FBP2: variants seen among roughly 807,000 people sequenced by gnomAD.
FBP2 encodes the protein fructose-1,6-bisphosphatase isozyme 2.
In FBP2, 27 loss-of-function variants were observed where a neutral mutation model predicts 31.6. The ratio of observed to expected loss-of-function variants is 0.85; its 90% CI spans 0.63 to 1.18. The LOEUF (loss-of-function observed/expected upper bound fraction) is 1.18, where lower values mean the gene tolerates loss of function less well. Ranked by LOEUF, FBP2 falls within the 50% of genes most tolerant of loss-of-function variation. FBP2 has a pLI of 0.00. For synonymous variants in FBP2, 168 were observed against 179.8 expected, an observed-to-expected ratio of 0.93 and a Z score of 0.53; for missense variants, 421 against 436.1, an observed-to-expected ratio of 0.97 and a Z score of 0.31.
chr9:94,561,519 C>G (rs575592133), intron 6 of FBP2, among the ~76,000 whole-genome samples: 1 of 152,034 alleles, frequency 6.6e-6, no homozygotes, highest in Non-Finnish European at 1.5e-5. Flanking sequence ...CATGCCACCA[C>G]GCCTGGCTAA....
Position 94,587,304 on chromosome 9 carries a change from C to T in FBP2, c.333+3G>A, listed in dbSNP as rs1827438093. The stretch of plus-strand genomic sequence containing the variant: ...GAGCGGGCACCGCAGCCCCATGACG[C>T]ACCCGCTTCTCCTTGGCGGTGATGA... On this transcript the variant is annotated splice_donor_region_variant and intron_variant, in intron 2 of 6. Transcript: ENST00000375337. The T allele has an allele frequency of 1.2e-6, 2 of 1,608,194 alleles. No individual in the cohort carries two copies. The highest frequency in any genetic ancestry group is 3.8e-4 in the Middle Eastern group (2 of 5,314).
rs1242929226 is a variant in FBP2 at position 94,574,431 on chromosome 9, G to T, written c.427-2829C>A. On this transcript the variant is annotated intron_variant, in intron 3 of 6. Coordinates refer to ENST00000375337, the MANE Select transcript of FBP2 (RefSeq NM_003837.4). ...ATGAGTCAGGTAAAACCTTTTATATGTTTATTTTGACCATTTTTATTTTGT... is the reference window on the plus strand; with the variant it reads ...ATGAGTCAGGTAAAACCTTTTATATTTTTATTTTGACCATTTTTATTTTGT... Among the ~76,000 whole-genome samples, 3 of 151,912 alleles carry T rather than the reference G, an allele frequency of 2.0e-5. No homozygotes were observed. The East Asian group carries it at 5.8e-4, about 29-fold the overall frequency.
chr9:94,580,410 T>G (rs1827363044), intron 3 of FBP2, among the ~76,000 whole-genome samples: 1 of 152,138 alleles, frequency 6.6e-6, no homozygotes, highest in Non-Finnish European at 1.5e-5. Flanking sequence ...AGAGACAGTG[T>G]TTAGCCATGT....
chr9:94,582,649 G>A (rs1827384254), intron 3 of FBP2, among the ~76,000 whole-genome samples: 2 of 150,142 alleles, frequency 1.3e-5, no homozygotes, highest in Admixed American at 6.7e-5. Context: ...CTGGGTTCAC[G>A]CCATTCTCCT....
At chr9:94,592,219 A>C (rs1277547682) in intron 1 of FBP2, among the ~76,000 whole-genome samples, 1 of 152,202 alleles carries the variant, frequency 6.6e-6, no homozygotes, top group Non-Finnish European at 1.5e-5. Context: ...ATGAGGTAAA[A>C]ACAGAGCTGA....
intron 3 of FBP2, among the ~76,000 whole-genome samples, chr9:94,581,209 A>G (rs1240409574): frequency 1.3e-5 from 2 of 152,130 alleles, no homozygotes; most frequent in Non-Finnish European, 2.9e-5. Context: ...CCCCAGGCCT[A>G]AAGACTATAG....
At chr9:94,575,225 C>A (rs1481244764) in intron 3 of FBP2, among the ~76,000 whole-genome samples, 1 of 152,110 alleles carries the variant, frequency 6.6e-6, no homozygotes, top group Non-Finnish European at 1.5e-5. Flanking sequence ...ATTTATATAA[C>A]ATTTCCAGCA....
At position 94,567,256 on chromosome 9, in the gene FBP2, C is replaced by G; in HGVS notation, c.705+14G>C. 1 of 1,613,992 alleles carries G rather than the reference C, an allele frequency of 6.2e-7. No homozygotes were observed. Among genetic ancestry groups the G allele is most frequent in the Non-Finnish European group, 8.5e-7 (1 of 1,179,986 alleles). ...AGCATTCTGTCTGCCACCCACCTGGCTTTCTTCACTCACCTCAGGGAATTT... is the reference window on the plus strand; with the variant it reads ...AGCATTCTGTCTGCCACCCACCTGGGTTTCTTCACTCACCTCAGGGAATTT... On this transcript the variant is annotated intron_variant, in intron 5 of 6. Coordinates refer to ENST00000375337, the MANE Select transcript of FBP2 (RefSeq NM_003837.4).
intron 5 of FBP2, among the ~76,000 whole-genome samples, chr9:94,565,452 T>C (rs981424336): frequency 2.0e-5 from 3 of 152,184 alleles, no homozygotes; most frequent in Non-Finnish European, 2.9e-5. Context: ...CATTTTCTTA[T>C]ATTTTTTGTT....
In FBP2 at chr9:94,571,337, C is replaced by T. The variant is rs1433157270; in HGVS notation, c.567+125G>A. 6 of 1,051,000 alleles carry T rather than the reference C, an allele frequency of 5.7e-6. No individual in the cohort carries two copies. The East Asian group carries it at 1.7e-4, about 30-fold the overall frequency. 65.1% of individuals were successfully genotyped at this position (1,051,000 alleles called of 1,614,324 possible). ...TGGTTTTGGCTCCCCAAACTAGGCT[C>T]TCAGGACCCCTGGTCCCCAAAACAA... On this transcript the variant is annotated intron_variant, in intron 4 of 6. Coordinates refer to ENST00000375337, the MANE Select transcript of FBP2 (RefSeq NM_003837.4).
At chr9:94,562,525 G>C (rs898645180) in intron 6 of FBP2, among the ~76,000 whole-genome samples, 1 of 152,120 alleles carries the variant, frequency 6.6e-6, no homozygotes, top group South Asian at 2.1e-4. Context: ...CATGTGCTGT[G>C]TGAGATCTCT....
At chr9:94,591,216 C>T (rs565809426) in intron 1 of FBP2, among the ~76,000 whole-genome samples, 78 of 152,372 alleles carry the variant, frequency 5.1e-4, no homozygotes, top group African/African-American at 1.7e-3. Context: ...CGGGGAGGCT[C>T]GGGCCGCACA....
intron 4 of FBP2, chr9:94,570,401 T>G (rs1827255183): frequency 6.6e-6 from 1 of 152,246 alleles, no homozygotes; most frequent in African/African-American, 2.4e-5. Flanking sequence ...ACGCCTCACT[T>G]TCCCCATCTG....
chr9:94,577,018 T>C (rs1827322395), intron 3 of FBP2, among the ~76,000 whole-genome samples: 1 of 152,096 alleles, frequency 6.6e-6, no homozygotes, highest in African/African-American at 2.4e-5. Flanking sequence ...TTATTCCTCT[T>C]GGCCAAAAGC....
intron 3 of FBP2, among the ~76,000 whole-genome samples, chr9:94,582,773 C>T (rs1587844359): frequency 1.3e-5 from 2 of 151,640 alleles, no homozygotes; most frequent in South Asian, 4.2e-4. Context: ...TGGTCTCGAT[C>T]TCCTGACCTC....
intron 1 of FBP2, 121 bp downstream of exon 1, chr9:94,593,436 A>G (rs533694437): frequency 5.2e-5 from 46 of 884,486 alleles, no homozygotes; most frequent in Non-Finnish European, 7.0e-5. Flanking sequence ...TGCAGCTTCC[A>G]TCTAGGGCAC....
intron 5 of FBP2, among the ~76,000 whole-genome samples, chr9:94,565,737 G>A (rs1404884490): frequency 4.8e-5 from 1 of 20,788 alleles, no homozygotes; most frequent in Non-Finnish European, 1.0e-4. Flanking sequence ...GTAGATAGAT[G>A]ATAGATAGAT....
chr9:94,582,138 C>A (rs1303362807), intron 3 of FBP2, among the ~76,000 whole-genome samples: 1 of 152,176 alleles, frequency 6.6e-6, no homozygotes, highest in African/African-American at 2.4e-5. Flanking sequence ...GACCACCAAC[C>A]ATGGGCTAGG....
chr9:94,583,805 C>T (rs1034053796), intron 3 of FBP2, among the ~76,000 whole-genome samples: 11 of 152,168 alleles, frequency 7.2e-5, no homozygotes, highest in Non-Finnish European at 5.9e-5. Flanking sequence ...CACCATGTTT[C>T]CCAGACTGGT....
Sources: allele counts gnomAD v4.1 joint callset (sites outside exome capture counted in the v4.1 genomes callset), GRCh38; gene constraint gnomAD v4.1.1; transcripts MANE v1.5; gene names NCBI Gene and HGNC (gene_info 2026-07-23, HGNC 2026-07-21).